The following DIP2A variants were observed in gnomAD, a reference collection of about 807,000 sequenced individuals.
The protein encoded by DIP2A is disco-interacting protein 2 homolog A.
Under a neutral mutation model 177.4 loss-of-function variants are expected in DIP2A, and 85 were observed. The ratio of observed to expected loss-of-function variants is 0.48; its 90% confidence interval spans 0.40 to 0.57. The LOEUF (loss-of-function observed/expected upper bound fraction) is 0.57, where lower values mean the gene tolerates loss of function less well. Among genes scored for constraint, DIP2A ranks in the 20% least tolerant of loss-of-function variants. The pLI is 0.00. For missense variants in DIP2A, 1,791 were observed against 2,100.2 expected, an observed-to-expected ratio of 0.85 and a Z score of 2.88; for synonymous variants, 886 against 881.8, an observed-to-expected ratio of 1.00 and a Z score of -0.08.
chr21:46,561,420 G>T, intron 33 of DIP2A: 1 of 389,804 alleles, frequency 2.6e-6, no homozygotes, highest in Non-Finnish European at 4.8e-6. Flanking sequence ...TCTCAAGTAT[G>T]GCCACACTGT....
chr21:46,535,649 C>G (rs1370364991), intron 13 of DIP2A, among the ~76,000 whole-genome samples: 1 of 152,104 alleles, frequency 6.6e-6, no homozygotes, highest in Non-Finnish European at 1.5e-5. Flanking sequence ...ACAGCTAAAG[C>G]TTTTACTTGA....
Position 46,554,193 on chromosome 21 carries a change from T to G in DIP2A, c.3055T>G (p.Cys1019Gly). The stretch of plus-strand genomic sequence containing the variant: ...GGGCACCGTCACAAGCACTGCAACC[T>G]GTGTCCAGCTGCACAAAAGGGCTGA... ...AKGTVTSTAT[C>G]VQLHKRAERV... The change falls in exon 26 of 38, where the codon TGT becomes GGT. Residue 1019 changes from cysteine to glycine, a missense_variant. Physicochemically the swap from Cys to Gly is radical, Grantham distance 159. Coordinates refer to ENST00000417564, the MANE Select transcript of DIP2A (RefSeq NM_015151.4). 3 of 1,606,632 alleles carry G rather than the reference T, an allele frequency of 1.9e-6. No homozygotes were observed. The highest frequency in any genetic ancestry group is 2.6e-6 in the Non-Finnish European group (3 of 1,175,250).
chr21:46,567,279 A>C, intron 37 of DIP2A, 91 bp from the exon 38 acceptor site: 2 of 1,523,012 alleles, frequency 1.3e-6, no homozygotes, highest in South Asian at 1.3e-5. Context: ...GGTGGGCTTC[A>C]CTCTTCTTTG....
At chr21:46,544,421 G>T (rs1443642042) in intron 18 of DIP2A, among the ~76,000 whole-genome samples, 1 of 152,184 alleles carries the variant, frequency 6.6e-6, no homozygotes, top group African/African-American at 2.4e-5. Context: ...GTCTTGAGTG[G>T]CTGCAAGACA....
chr21:46,520,514 A>G (rs1025436684), intron 8 of DIP2A, among the ~76,000 whole-genome samples: 3 of 152,178 alleles, frequency 2.0e-5, no homozygotes, highest in African/African-American at 7.2e-5. Context: ...TAATGTCGCA[A>G]CCTCCAAAGT....
Position 46,563,873 on chromosome 21 carries a change from A to C in DIP2A, c.4105A>C (p.Lys1369Gln), listed in dbSNP as rs774593203. ...MESGKILPGV[K>Q]VIIAHTETKG... ...CTCCTTCCAGATCCTCCCCGGCGTG[A>C]AGGTCATCATCGCACACACCGAGAC... The change falls in exon 35 of 38, where the codon AAG (lysine) becomes CAG (glutamine). Residue 1369 changes from lysine (K) to glutamine (Q), a missense_variant. Physicochemically the swap from Lys to Gln is moderately conservative, Grantham distance 53. Transcript: ENST00000417564. This position sits in a 1 kb window ranked among gnomAD's most constrained non-coding sequence, Gnocchi z 4.3. The C allele has an allele frequency of 1.6e-5, 26 of 1,612,846 alleles. No individual in the cohort carries two copies. Among genetic ancestry groups the C allele is most frequent in the Non-Finnish European group, 2.2e-5 (26 of 1,179,662 alleles).
chr21:46,540,553 C>T (rs1385027980), intron 17 of DIP2A, among the ~76,000 whole-genome samples: 7 of 152,300 alleles, frequency 4.6e-5, no homozygotes, highest in East Asian at 3.9e-4. Context: ...CCTGAGGTTT[C>T]CTTTCCCCTC....
At chr21:46,552,215 A>G (rs2060300522) in intron 25 of DIP2A, among the ~76,000 whole-genome samples, 1 of 152,256 alleles carries the variant, frequency 6.6e-6, no homozygotes, top group African/African-American at 2.4e-5. Flanking sequence ...TTTTAAAATT[A>G]AAAACAGTAT....
At chr21:46,465,640 A>C (rs187915472) in intron 1 of DIP2A, among the ~76,000 whole-genome samples, 45 of 152,312 alleles carry the variant, frequency 3.0e-4, no homozygotes, top group Admixed American at 2.5e-3. Context: ...CAGGGACTCC[A>C]AGTGTCACTG....
chr21:46,517,322 G>A (rs2148665418), intron 8 of DIP2A, among the ~76,000 whole-genome samples: 1 of 151,950 alleles, frequency 6.6e-6, no homozygotes, highest in African/African-American at 2.4e-5. Context: ...CAAGTGACCT[G>A]CCTGCCTCAG....
At chr21:46,477,281 A>C (rs2055934386) in intron 1 of DIP2A, among the ~76,000 whole-genome samples, 1 of 151,928 alleles carries the variant, frequency 6.6e-6, no homozygotes, top group Non-Finnish European at 1.5e-5. Context: ...GTGGTGGCTC[A>C]CGTCTGTAAT....
intron 6 of DIP2A, among the ~76,000 whole-genome samples, chr21:46,506,582 C>T (rs891260802): frequency 2.0e-5 from 3 of 152,264 alleles, no homozygotes; most frequent in Non-Finnish European, 2.9e-5. Flanking sequence ...AGAGATATCT[C>T]ATTACAGTTT....
chr21:46,497,246 T>G (rs2057408762), intron 4 of DIP2A, 139 bp downstream of exon 4: 1 of 1,095,438 alleles, frequency 9.1e-7, no homozygotes, highest in Admixed American at 3.3e-5. Flanking sequence ...TAAAAATGTT[T>G]GCATATGCTC....
chr21:46,508,878 G>A (rs948846989), intron 6 of DIP2A, among the ~76,000 whole-genome samples: 2 of 151,852 alleles, frequency 1.3e-5, no homozygotes, highest in African/African-American at 4.8e-5. Flanking sequence ...AATTAGCCAG[G>A]TGTGGTGGCG....
At chr21:46,519,936 G>A (rs1380355816) in intron 8 of DIP2A, among the ~76,000 whole-genome samples, 5 of 133,442 alleles carry the variant, frequency 3.7e-5, no homozygotes, top group South Asian at 4.9e-4. Context: ...GTGCAGTGGT[G>A]CGATCTCGGC....
intron 8 of DIP2A, among the ~76,000 whole-genome samples, chr21:46,513,885 T>C (rs1464104435): frequency 6.6e-6 from 1 of 152,182 alleles, no homozygotes; most frequent in African/African-American, 2.4e-5. Flanking sequence ...ACACTTCTAA[T>C]CTCAAGCATT....
intron 23 of DIP2A, 56 bp downstream of exon 23, chr21:46,550,800 C>T: frequency 5.1e-6 from 8 of 1,573,872 alleles, no homozygotes; most frequent in Non-Finnish European, 5.2e-6. Flanking sequence ...AACAGCGGTG[C>T]TTGTGGTTAG....
At chr21:46,523,981 G>A (rs1465750897) in intron 8 of DIP2A, among the ~76,000 whole-genome samples, 1 of 152,226 alleles carries the variant, frequency 6.6e-6, no homozygotes, top group East Asian at 1.9e-4. Flanking sequence ...GCCGGAGAAA[G>A]ACCCAGCCAT....
At chr21:46,460,699 ATT>A (rs112784209) in intron 1 of DIP2A, among the ~76,000 whole-genome samples, 1 of 145,900 alleles carries the variant, frequency 6.9e-6, no homozygotes. Flanking sequence ...CATGTGGCAC[ATT>A]TTTTTTTTTT....
Sources: gnomAD v4.1 joint callset for allele counts (sites outside exome capture counted in the v4.1 genomes callset) on GRCh38, gnomAD v4.1.1 for gene constraint, Gnocchi (gnomAD v3.1) non-coding constraint, MANE v1.5 for transcripts, NCBI Gene and HGNC (gene_info 2026-07-23, HGNC 2026-07-21) for gene names.